Variants in MYRIP observed in about 807,000 individuals in gnomAD.
The protein encoded by MYRIP is myosin VIIA and Rab interacting protein, also known as rab effector MyRIP.
A neutral mutation model predicts 98.0 loss-of-function variants in MYRIP; 49 were observed. The ratio of observed to expected loss-of-function variants is 0.50; its 90% CI spans 0.40 to 0.63. The LOEUF (loss-of-function observed/expected upper bound fraction) is 0.63. Ranked by LOEUF, MYRIP falls within the 30% of genes least tolerant of loss-of-function variation. The probability of loss-of-function intolerance (pLI) is 0.00; values close to 1 mark genes in which losing one functional copy is unlikely to be tolerated. For missense variants in MYRIP, 1,004 were observed against 1,058.2 expected (o/e 0.95, Z 0.71); for synonymous variants, 404 against 409.5 (o/e 0.99, Z 0.16).
At chr3:39,986,442 C>CT (rs1491303517) in intron 2 of MYRIP, among the ~76,000 whole-genome samples, 17 of 146,312 alleles carry the variant, frequency 1.2e-4, no homozygotes, top group African/African-American at 3.6e-4. Flanking sequence ...CTCTTTCTCT[C>CT]CCTCTCTCTC....
intron 1 of MYRIP, among the ~76,000 whole-genome samples, chr3:39,858,527 A>G (rs568855611): frequency 2.0e-5 from 3 of 152,250 alleles, no homozygotes; most frequent in African/African-American, 7.2e-5. Flanking sequence ...TAATAACACT[A>G]TAGACCAAAT....
intron 2 of MYRIP, among the ~76,000 whole-genome samples, chr3:39,911,977 T>C (rs577678272): frequency 3.3e-5 from 5 of 152,330 alleles, no homozygotes; most frequent in African/African-American, 1.2e-4. Flanking sequence ...GGGTGACTTA[T>C]AATGAGCTTC....
intron 3 of MYRIP, among the ~76,000 whole-genome samples, chr3:40,060,569 A>G (rs952994077): frequency 1.7e-5 from 2 of 116,572 alleles, no homozygotes; most frequent in African/African-American, 2.9e-5. Context: ...GGATTTGGGT[A>G]TTAGATTTTC....
chr3:40,140,371 C>T (rs1949865553), intron 3 of MYRIP, among the ~76,000 whole-genome samples: 1 of 152,202 alleles, frequency 6.6e-6, no homozygotes, highest in South Asian at 2.1e-4. Flanking sequence ...TGTTGTTGGA[C>T]ACCTAGGTTA....
intron 1 of MYRIP, among the ~76,000 whole-genome samples, chr3:39,815,098 A>G (rs537572160): frequency 2.0e-5 from 3 of 152,256 alleles, no homozygotes; most frequent in South Asian, 2.1e-4. Context: ...CATCAACACA[A>G]TCTAATTTTA....
At chr3:39,969,674 A>G (rs887418994) in intron 2 of MYRIP, among the ~76,000 whole-genome samples, 4 of 152,174 alleles carry the variant, frequency 2.6e-5, no homozygotes, top group Non-Finnish European at 5.9e-5. Flanking sequence ...GATGAAGCCT[A>G]CTTGATCATC....
intron 2 of MYRIP, among the ~76,000 whole-genome samples, chr3:40,004,910 T>A (rs1946600027): frequency 6.6e-6 from 1 of 152,148 alleles, no homozygotes; most frequent in Non-Finnish European, 1.5e-5. Context: ...TAGTACCTGA[T>A]GAGAAGTTCT....
chr3:39,946,636 T>C (rs1286977987), intron 2 of MYRIP, among the ~76,000 whole-genome samples: 1 of 152,162 alleles, frequency 6.6e-6, no homozygotes, highest in Admixed American at 6.5e-5. Flanking sequence ...GTCCTACTAC[T>C]GTAAGGAAAT....
intron 3 of MYRIP, among the ~76,000 whole-genome samples, chr3:40,070,720 C>T (rs954411185): frequency 6.6e-6 from 1 of 152,158 alleles, no homozygotes; most frequent in Non-Finnish European, 1.5e-5. Flanking sequence ...CCTTACCACC[C>T]TGGTCCATGG....
At chr3:40,068,446 A>G (rs1399904733) in intron 3 of MYRIP, among the ~76,000 whole-genome samples, 1 of 152,170 alleles carries the variant, frequency 6.6e-6, no homozygotes, top group African/African-American at 2.4e-5. Context: ...TTGAGGATAT[A>G]GTGTCAGATT....
At chr3:40,109,500 G>T (rs185660425) in intron 3 of MYRIP, among the ~76,000 whole-genome samples, 65 of 152,320 alleles carry the variant, frequency 4.3e-4, no homozygotes, top group Non-Finnish European at 7.5e-4. Context: ...AGGAGGCAGA[G>T]CTGGACACAG....
At position 39,865,510 on chromosome 3, in the gene MYRIP, C is replaced by T. The variant is rs375296517; in HGVS notation, c.-30-35277C>T. Among the ~76,000 whole-genome samples the T allele has an allele frequency of 4.3e-4, 65 of 152,068 alleles. 3 individuals are homozygous for T. The highest frequency in any genetic ancestry group is 1.5e-3 in the African/African-American group (62 of 41,494). ...AATAAACAATCCCATAAAAGGTAGGCGAAGGATATTAACAGACACTTTTCA... is the reference window on the plus strand; with the variant it reads ...AATAAACAATCCCATAAAAGGTAGGTGAAGGATATTAACAGACACTTTTCA... On this transcript the variant is annotated intron_variant, in intron 1 of 16. Coordinates refer to ENST00000302541, the MANE Select transcript of MYRIP (RefSeq NM_015460.4).
chr3:39,814,490 T>G (rs1314126329), intron 1 of MYRIP, among the ~76,000 whole-genome samples: 2 of 152,218 alleles, frequency 1.3e-5, no homozygotes, highest in Non-Finnish European at 2.9e-5. Flanking sequence ...CCTGTGTTGT[T>G]GAGGCAGGAG....
rs540082868 is a variant in MYRIP at position 40,077,944 on chromosome 3, G to T, written c.332+33673G>T. On this transcript the variant is annotated intron_variant, in intron 3 of 16. Coordinates refer to ENST00000302541, the MANE Select transcript of MYRIP (RefSeq NM_015460.4). ...CTGCGCCCGCACTCCTCAGCCCTTC[G>T]GTGGTTGATGGGACTGGGCGCCGTG... 6.6e-5 allele frequency among the ~76,000 whole-genome samples: 10 copies of T among 152,378 alleles called. No homozygotes were observed. The South Asian group carries it at 2.1e-3, about 32-fold the overall frequency.
chr3:40,152,055 TTAG>T (rs1950135103), intron 4 of MYRIP, among the ~76,000 whole-genome samples: 1 of 152,188 alleles, frequency 6.6e-6, no homozygotes, highest in African/African-American at 2.4e-5. Context: ...TGGAGAATCA[TTAG>T]GGTCTTTTGT....
At chr3:39,953,475 A>C (rs1945077321) in intron 2 of MYRIP, among the ~76,000 whole-genome samples, 1 of 152,142 alleles carries the variant, frequency 6.6e-6, no homozygotes, top group Non-Finnish European at 1.5e-5. Context: ...TAGGCAACTT[A>C]TGGAAAACCA....
intron 2 of MYRIP, among the ~76,000 whole-genome samples, chr3:39,930,068 AT>A (rs1439919663): frequency 2.0e-5 from 3 of 152,080 alleles, no homozygotes; most frequent in Non-Finnish European, 4.4e-5. Context: ...TCTTGGGTAT[AT>A]ACTGAAGAGT....
At chr3:40,218,612 TTATATATATATATA>T (rs751894190) in intron 11 of MYRIP, among the ~76,000 whole-genome samples, 5 of 13,572 alleles carry the variant, frequency 3.7e-4, no homozygotes, top group African/African-American at 6.3e-4. Flanking sequence ...TATATATATT[TTATATATATATATA>T]TATATATATA....
At chr3:40,054,063 C>A (rs9822101) in intron 3 of MYRIP, among the ~76,000 whole-genome samples, 44,035 of 151,774 alleles carry the variant, frequency 0.29, 6,408 homozygotes, top group East Asian at 0.35. Context: ...TGAGGCCTTT[C>A]AGCTCTAACA....
Sources: gnomAD v4.1 joint callset for allele counts (sites outside exome capture counted in the v4.1 genomes callset) on GRCh38, gnomAD v4.1.1 for gene constraint, MANE v1.5 for transcripts, NCBI Gene and HGNC (gene_info 2026-07-23, HGNC 2026-07-21) for gene names.